The following CFTR variants were observed in gnomAD, a reference collection of about 807,000 sequenced individuals.
The protein encoded by CFTR is CF transmembrane conductance regulator.
In CFTR, 181 loss-of-function variants were observed where a neutral mutation model predicts 171.6. That is an observed-to-expected ratio of 1.05 (90% CI 0.93 to 1.19). CFTR has a LOEUF of 1.19. Among genes scored for constraint, CFTR ranks in the 50% most tolerant of loss-of-function variants. The pLI is 0.00. For synonymous variants in CFTR, 583 were observed against 608.0 expected (o/e 0.96, Z 0.60); for missense variants, 1,968 against 1,734.7 (o/e 1.13, Z -2.39).
Position 117,542,082 on chromosome 7 carries a change from G to C in CFTR, c.1183G>C (p.Glu395Gln). The change falls in exon 9 of 27, where the codon GAG becomes CAG. Residue 395 changes from glutamate to glutamine, a missense_variant. Coordinates refer to ENST00000003084, the MANE Select transcript of CFTR (RefSeq NM_000492.4). The stretch of plus-strand genomic sequence containing the variant: ...CTTAACGACTACAGAAGTAGTGATG[G>C]AGAATGTAACAGCCTTCTGGGAGGA... ...YNLTTTEVVMENVTAFWEEGF... is the reference protein window; with the variant it reads ...YNLTTTEVVMQNVTAFWEEGF... 1 of 1,600,176 alleles carries C rather than the reference G, an allele frequency of 6.2e-7. No individual in the cohort carries two copies. The highest frequency in any genetic ancestry group is 8.6e-7 in the Non-Finnish European group (1 of 1,167,490).
chr7:117,637,929 T>C lies in CFTR; in HGVS notation c.3718-4509T>C, dbSNP rs562859536. ...TGAAAATGGTTACTTTTCCCTTTTTTTCTCTGATCTTCACTGTGAGAACCT... is the reference window on the plus strand; with the variant it reads ...TGAAAATGGTTACTTTTCCCTTTTTCTCTCTGATCTTCACTGTGAGAACCT... On this transcript the variant is annotated intron_variant, in intron 22 of 26. Transcript: ENST00000003084. Among the ~76,000 whole-genome samples the C allele has an allele frequency of 3.9e-5, 6 of 152,278 alleles. No homozygotes were observed. In the South Asian group the frequency reaches 1.2e-3, roughly 32 times the overall value.
intron 10 of CFTR, among the ~76,000 whole-genome samples, chr7:117,559,126 G>A (rs145194364): frequency 1.2e-4 from 18 of 152,252 alleles, no homozygotes; most frequent in African/African-American, 4.3e-4. Context: ...AACAGCACTC[G>A]ACACAGAGTG....
chr7:117,621,009 G>GGA (rs1792568293), intron 21 of CFTR, among the ~76,000 whole-genome samples: 1 of 152,184 alleles, frequency 6.6e-6, no homozygotes, highest in Non-Finnish European at 1.5e-5. Context: ...GGCTGAGGCA[G>GGA]GAGAATCGAT....
intron 15 of CFTR, among the ~76,000 whole-genome samples, chr7:117,597,910 G>T (rs1234924338): frequency 4.6e-5 from 7 of 152,138 alleles, no homozygotes; most frequent in Admixed American, 4.6e-4. Flanking sequence ...AGCAGTGGAT[G>T]AGGCTTTTCT....
intron 21 of CFTR, among the ~76,000 whole-genome samples, chr7:117,624,805 G>A (rs1031981148): frequency 1.3e-5 from 2 of 152,072 alleles, no homozygotes; most frequent in African/African-American, 2.4e-5. Context: ...GGCTTTTGGC[G>A]CTTAATGGCC....
At chr7:117,495,435 T>G (rs1798222323) in intron 1 of CFTR, among the ~76,000 whole-genome samples, 1 of 152,154 alleles carries the variant, frequency 6.6e-6, no homozygotes, top group Non-Finnish European at 1.5e-5. Flanking sequence ...CTCAAGTGCT[T>G]GAGTCTTTGA....
At chr7:117,579,597 A>G (rs955527919) in intron 11 of CFTR, among the ~76,000 whole-genome samples, 8 of 151,406 alleles carry the variant, frequency 5.3e-5, no homozygotes, top group African/African-American at 1.7e-4. Context: ...TTGTTATTAT[A>G]TGGAAGACTA....
intron 4 of CFTR, 43 bp downstream of exon 4, chr7:117,531,157 A>G: frequency 6.9e-7 from 1 of 1,445,964 alleles, no homozygotes; most frequent in South Asian, 1.2e-5. Flanking sequence ...TATATTCTGT[A>G]TCGTACATGT....
At position 117,536,652 on chromosome 7, in the gene CFTR, A is replaced by G. The variant is rs772510035; in HGVS notation, c.848A>G (p.Lys283Arg). ...KAYCWEEAME[K>R]MIENLRQTEL... ...TACTGCTGGGAAGAAGCAATGGAAAAAATGATTGAAAACTTAAGACAGTAA... is the reference window on the plus strand; with the variant it reads ...TACTGCTGGGAAGAAGCAATGGAAAGAATGATTGAAAACTTAAGACAGTAA... The change falls in exon 7 of 27, where the codon AAA becomes AGA. Residue 283 changes from lysine (K) to arginine (R), a missense_variant. Transcript: ENST00000003084. 6.2e-7 allele frequency: 1 copy of G among 1,611,746 alleles called. No individual in the cohort carries two copies. Among genetic ancestry groups the G allele is most frequent in the South Asian group, 1.1e-5 (1 of 91,006 alleles).
intron 18 of CFTR, among the ~76,000 whole-genome samples, chr7:117,607,381 T>C (rs1436810726): frequency 6.6e-6 from 1 of 151,870 alleles, no homozygotes; most frequent in Non-Finnish European, 1.5e-5. Context: ...GACTGATTGG[T>C]GGTGAGGATG....
intron 19 of CFTR, among the ~76,000 whole-genome samples, chr7:117,610,873 G>C (rs527498786): frequency 1.3e-5 from 2 of 152,200 alleles, no homozygotes; most frequent in African/African-American, 4.8e-5. Context: ...TAATGACCAT[G>C]TGACTTCATT....
intron 1 of CFTR, among the ~76,000 whole-genome samples, chr7:117,497,737 T>C (rs1798261535): frequency 6.6e-6 from 1 of 152,086 alleles, no homozygotes; most frequent in Non-Finnish European, 1.5e-5. Context: ...AAAAAGTGAT[T>C]TTATAGAAAA....
At chr7:117,487,904 G>A (rs1037885818) in intron 1 of CFTR, 2 of 152,146 alleles carry the variant, frequency 1.3e-5, no homozygotes, top group South Asian at 2.1e-4. Context: ...GGTTATGGGT[G>A]TGACAAGAAA....
intron 18 of CFTR, among the ~76,000 whole-genome samples, chr7:117,607,436 T>G (rs1194315377): frequency 6.6e-6 from 1 of 152,010 alleles, no homozygotes; most frequent in East Asian, 1.9e-4. Context: ...CCTTGGGACA[T>G]TAGGTCTCCA....
chr7:117,651,753 C>G (rs182633871), intron 23 of CFTR, among the ~76,000 whole-genome samples: 1 of 152,188 alleles, frequency 6.6e-6, no homozygotes, highest in East Asian at 1.9e-4. Flanking sequence ...CTAACATGAT[C>G]CTCAGTAAAC....
At chr7:117,493,330 A>G (rs1798191043) in intron 1 of CFTR, among the ~76,000 whole-genome samples, 1 of 152,064 alleles carries the variant, frequency 6.6e-6, no homozygotes. Flanking sequence ...TGTTTTGCAG[A>G]CCTTTACTTA....
chr7:117,663,956 TA>T (rs933786964), intron 24 of CFTR, among the ~76,000 whole-genome samples: 64 of 150,918 alleles, frequency 4.2e-4, no homozygotes, highest in Admixed American at 9.2e-4. Flanking sequence ...TGTCTAGCTT[TA>T]AAAAAAAAGC....
chr7:117,499,429 C>CTATGTGTGTGTGTGTG (rs139818458), intron 1 of CFTR, among the ~76,000 whole-genome samples: 1 of 135,830 alleles, frequency 7.4e-6, no homozygotes, highest in African/African-American at 2.9e-5. Flanking sequence ...ATAGTTTCAT[C>CTATGTGTGTGTGTGTG]TGTGTGTGTG....
chr7:117,650,005 C>T (rs1793064588), intron 23 of CFTR, among the ~76,000 whole-genome samples: 1 of 151,906 alleles, frequency 6.6e-6, no homozygotes, highest in African/African-American at 2.4e-5. Context: ...TGAAAGAAAG[C>T]TAGTGTGGTG....
Sources: allele counts gnomAD v4.1 joint callset (sites outside exome capture counted in the v4.1 genomes callset), GRCh38; gene constraint gnomAD v4.1.1; transcripts MANE v1.5; gene names NCBI Gene and HGNC (gene_info 2026-07-23, HGNC 2026-07-21).